Variants in CRACR2A observed in about 807,000 individuals in gnomAD.
CRACR2A encodes the protein EF-hand calcium-binding domain-containing protein 4B.
In CRACR2A, 79 loss-of-function variants were observed where a neutral mutation model predicts 90.5. That is an observed-to-expected ratio of 0.87 (90% CI 0.73 to 1.05). The LOEUF is 1.05. Among genes scored for constraint, CRACR2A ranks in the 50% least tolerant of loss-of-function variants. The pLI is 0.00. For missense variants in CRACR2A, 823 were observed against 897.2 expected (o/e 0.92, Z 1.06); for synonymous variants, 338 against 356.7 (o/e 0.95, Z 0.59).
chr12:3,651,700 G>A (rs906232947), intron 10 of CRACR2A, among the ~76,000 whole-genome samples: 56 of 152,228 alleles, frequency 3.7e-4, no homozygotes, highest in African/African-American at 1.3e-3. Flanking sequence ...TCCTCTCCCA[G>A]CTGCTCTGCA....
At chr12:3,637,597 G>T (rs1037016125) in intron 14 of CRACR2A, among the ~76,000 whole-genome samples, 1 of 151,916 alleles carries the variant, frequency 6.6e-6, no homozygotes, top group African/African-American at 2.4e-5. Context: ...TTTGGAAAGG[G>T]GACTCACTTT....
chr12:3,747,970 G>A (rs1565512412), intron 1 of CRACR2A, among the ~76,000 whole-genome samples: 2 of 149,602 alleles, frequency 1.3e-5, no homozygotes, highest in Non-Finnish European at 2.9e-5. Flanking sequence ...GCACCCAGAA[G>A]GGCACAGAGT....
intron 8 of CRACR2A, among the ~76,000 whole-genome samples, chr12:3,657,997 C>T (rs186890750): frequency 4.6e-5 from 7 of 152,306 alleles, no homozygotes; most frequent in Non-Finnish European, 5.9e-5. Context: ...GATCTATCTC[C>T]AGGCAAAAGC....
chr12:3,617,000 C>T lies in CRACR2A; in HGVS notation c.2065G>A (p.Ala689Thr), dbSNP rs886447751. The stretch of plus-strand genomic sequence containing the variant: ...TCTTTGGTGTTGTGACCAGAGTAGG[C>T]GCTGCATTCATAGAAGATCAGATTG... ...ENNLIFYECSAYSGHNTKESL... is the reference protein window; with the variant it reads ...ENNLIFYECSTYSGHNTKESL... Residue 689 changes from alanine (A) to threonine (T), a missense_variant, in exon 19 of 20, where the codon GCC becomes ACC. Ala to Thr is a moderately conservative substitution (Grantham distance 58, BLOSUM62 0). Transcript: ENST00000440314. 3 of 1,551,362 alleles carry T rather than the reference C, an allele frequency of 1.9e-6. No homozygotes were observed. Among genetic ancestry groups the T allele is most frequent in the Non-Finnish European group, 1.7e-6 (2 of 1,146,904 alleles).
At chr12:3,656,244 G>C (rs1944904624) in intron 9 of CRACR2A, 67 bp downstream of exon 9, 6 of 1,485,824 alleles carry the variant, frequency 4.0e-6, no homozygotes, top group Admixed American at 1.7e-5. Flanking sequence ...CAGGGAAAGT[G>C]GGCAAGAGGC....
intron 3 of CRACR2A, among the ~76,000 whole-genome samples, chr12:3,705,236 C>A (rs1473789433): frequency 6.6e-6 from 1 of 152,194 alleles, no homozygotes; most frequent in East Asian, 1.9e-4. Context: ...ACTCTCCTCC[C>A]TCCAGAATGA....
At chr12:3,707,010 T>G (rs1360819117) in intron 3 of CRACR2A, among the ~76,000 whole-genome samples, 2 of 151,868 alleles carry the variant, frequency 1.3e-5, no homozygotes, top group African/African-American at 4.8e-5. Flanking sequence ...AAAACAAAAT[T>G]ACATGAAGAG....
intron 18 of CRACR2A, 45 bp downstream of exon 18, chr12:3,619,226 C>G (rs762067179): frequency 8.7e-6 from 13 of 1,498,092 alleles, no homozygotes; most frequent in African/African-American, 1.4e-5. Flanking sequence ...CAACTTCCCT[C>G]GGGGTCACAC....
At chr12:3,689,144 A>T (rs527573002) in intron 4 of CRACR2A, among the ~76,000 whole-genome samples, 1 of 152,268 alleles carries the variant, frequency 6.6e-6, no homozygotes, top group African/African-American at 2.4e-5. Context: ...GCAAACAGGG[A>T]TAGCTTGACT....
chr12:3,714,667 A>AT (rs1946057217), intron 2 of CRACR2A, among the ~76,000 whole-genome samples: 1 of 152,200 alleles, frequency 6.6e-6, no homozygotes, highest in African/African-American at 2.4e-5. Context: ...ATTTTCTGAT[A>AT]TTTTTATTAC....
At chr12:3,687,309 C>T (rs1044058108) in intron 4 of CRACR2A, among the ~76,000 whole-genome samples, 1 of 151,640 alleles carries the variant, frequency 6.6e-6, no homozygotes, top group African/African-American at 2.4e-5. Context: ...AAGACTAGTA[C>T]CCATTAGTTA....
intron 15 of CRACR2A, among the ~76,000 whole-genome samples, chr12:3,629,202 T>G (rs1009833252): frequency 1.9e-4 from 27 of 145,542 alleles, no homozygotes; most frequent in African/African-American, 6.7e-4. Context: ...GAAGCAGGAG[T>G]CACGAGCCGT....
chr12:3,718,636 A>T (rs1322032507), intron 2 of CRACR2A, among the ~76,000 whole-genome samples: 1 of 152,260 alleles, frequency 6.6e-6, no homozygotes, highest in Non-Finnish European at 1.5e-5. Flanking sequence ...TGCTGAAATG[A>T]TTATATGTTG....
chr12:3,616,972 G>A lies in CRACR2A; in HGVS notation c.2093C>T (p.Ser698Phe). The change falls in exon 19 of 20, where the codon TCC (serine) becomes TTC (phenylalanine). Residue 698 changes from serine to phenylalanine, a missense_variant. Coordinates refer to ENST00000440314, the MANE Select transcript of CRACR2A (RefSeq NM_001144958.2). Reference sequence around the variant, plus strand: ...TCTTTACCTGGCCAGATGGAGCAGGGACTCTTTGGTGTTGTGACCAGAGTA... The same window carrying A: ...TCTTTACCTGGCCAGATGGAGCAGGAACTCTTTGGTGTTGTGACCAGAGTA... ...SAYSGHNTKE[S>F]LLHLARFLKE... The A allele has an allele frequency of 6.4e-7, 1 of 1,551,426 alleles. No individual in the cohort carries two copies. Among genetic ancestry groups the A allele is most frequent in the Non-Finnish European group, 8.7e-7 (1 of 1,146,746 alleles).
Position 3,738,606 on chromosome 12 carries a change from A to G in CRACR2A, c.-386-5396T>C, listed in dbSNP as rs117591098. Reference sequence around the variant, plus strand: ...ACCAAAATGCAGCACAAAAAGACAAAGACACTGAAAATATGAAAGAGAACT... The same window carrying G: ...ACCAAAATGCAGCACAAAAAGACAAGGACACTGAAAATATGAAAGAGAACT... On this transcript the variant is annotated intron_variant, in intron 1 of 19. Transcript: ENST00000440314. 1.0e-3 allele frequency among the ~76,000 whole-genome samples: 152 copies of G among 152,332 alleles called. No individual in the cohort carries two copies. The Middle Eastern group carries it at 0.01, about 10-fold the overall frequency.
intron 2 of CRACR2A, among the ~76,000 whole-genome samples, chr12:3,714,479 G>A (rs1424943684): frequency 6.6e-6 from 1 of 152,198 alleles, no homozygotes; most frequent in African/African-American, 2.4e-5. Flanking sequence ...TTCCCAGGCA[G>A]CAGCCCTCAG....
At chr12:3,714,946 A>G (rs1946060914) in intron 2 of CRACR2A, among the ~76,000 whole-genome samples, 1 of 152,196 alleles carries the variant, frequency 6.6e-6, no homozygotes, top group African/African-American at 2.4e-5. Context: ...AGGCCAATGT[A>G]TTTTCCATTA....
rs1944495493 is a variant in CRACR2A, at chr12:3,638,288, G to A, written c.1438C>T (p.Pro480Ser). 6.4e-7 allele frequency: 1 copy of A among 1,551,550 alleles called. No individual in the cohort carries two copies. Among genetic ancestry groups the A allele is most frequent in the Non-Finnish European group, 8.7e-7 (1 of 1,146,984 alleles). Residue 480 changes from proline (P) to serine (S), a missense_variant, in exon 14 of 20, where the codon CCC (proline) becomes TCC (serine). By Grantham distance (74) the Pro-to-Ser change is moderately conservative. Transcript: ENST00000440314. ...RIISVEEDPL[P>S]QLLDGGFEQP... The stretch of plus-strand genomic sequence containing the variant: ...TCAAAGCCACCATCCAGGAGCTGGG[G>A]CAGGGGGTCTTCTTCAACGGAGATG...
intron 7 of CRACR2A, chr12:3,672,863 A>G: frequency 1.1e-6 from 1 of 943,980 alleles, no homozygotes; most frequent in South Asian, 4.9e-5. Flanking sequence ...GTAGACGAAG[A>G]GACATGAGGC....
Sources: allele counts gnomAD v4.1 joint callset (sites outside exome capture counted in the v4.1 genomes callset), GRCh38; gene constraint gnomAD v4.1.1; transcripts MANE v1.5; gene names NCBI Gene and HGNC (gene_info 2026-07-23, HGNC 2026-07-21).